The following CTNNAL1 variants were observed in gnomAD, a reference collection of about 807,000 sequenced individuals.
The protein encoded by CTNNAL1 is alpha-catulin.
CTNNAL1 carries 69 observed loss-of-function variants against 93.6 expected under a neutral mutation model. The observed-to-expected ratio is 0.74, with a 90% confidence interval of 0.61 to 0.90. CTNNAL1 has a LOEUF of 0.90. CTNNAL1 is among the 40% of genes least tolerant of loss of function. CTNNAL1 has a pLI of 0.00. For missense variants in CTNNAL1, 836 were observed against 862.0 expected (o/e 0.97, Z 0.38); for synonymous variants, 286 against 305.4 (o/e 0.94, Z 0.66).
chr9:108,959,713 A>G (rs775082433), intron 11 of CTNNAL1, among the ~76,000 whole-genome samples: 2 of 152,254 alleles, frequency 1.3e-5, no homozygotes, highest in African/African-American at 4.8e-5. Flanking sequence ...TGGAGAAAAT[A>G]TACTTAGTAC....
intron 8 of CTNNAL1, 35 bp from the exon 9 acceptor site, chr9:108,972,868 G>GCCCCCCCGGGC: frequency 1.8e-6 from 2 of 1,092,790 alleles, no homozygotes; most frequent in Non-Finnish European, 2.5e-6. Context: ...GGGTGGGAGG[G>GCCCCCCCGGGC]TGGAGAAGGA....
At chr9:109,011,835 G>T (rs1398229161) in intron 1 of CTNNAL1, among the ~76,000 whole-genome samples, 2 of 152,216 alleles carry the variant, frequency 1.3e-5, no homozygotes, top group African/African-American at 4.8e-5. Flanking sequence ...TATTTACAAA[G>T]TGCTTAGAAC....
At chr9:109,009,085 G>A (rs1284801798) in intron 1 of CTNNAL1, among the ~76,000 whole-genome samples, 2 of 151,216 alleles carry the variant, frequency 1.3e-5, no homozygotes, top group Non-Finnish European at 3.0e-5. Context: ...TTGTAGAGAC[G>A]GGGTTTCACC....
rs751057263 is a variant in CTNNAL1, at chr9:108,979,441, G to C, written c.941C>G (p.Ser314Cys). 1.3e-5 allele frequency: 21 copies of C among 1,614,052 alleles called. No individual in the cohort carries two copies. Among genetic ancestry groups the C allele is most frequent in the Admixed American group, 1.0e-4 (6 of 60,008 alleles). ...EALRENLYFQ[S>C]KENLSVTLEV... ...CAATGTCACAGAAAGGTTCTCTTTGGACTGAAAATAAAGATTCTCCCGAAG... is the reference window on the plus strand; with the variant it reads ...CAATGTCACAGAAAGGTTCTCTTTGCACTGAAAATAAAGATTCTCCCGAAG... The change falls in exon 7 of 19, where the codon TCC (serine) becomes TGC (cysteine). Residue 314 changes from serine to cysteine, a missense_variant. Coordinates refer to ENST00000325551, the MANE Select transcript of CTNNAL1 (RefSeq NM_003798.4).
rs1417213747 is a variant in CTNNAL1 at position 109,013,291 on chromosome 9, C to A, written c.141+11G>T. Reference sequence around the variant, plus strand: ...GAAGGAGAAGAGGGGCCGCGCCAGGCGCCACTTTACCTGAGAAACCAGCGG... The same window carrying A: ...GAAGGAGAAGAGGGGCCGCGCCAGGAGCCACTTTACCTGAGAAACCAGCGG... On this transcript the variant is annotated intron_variant, in intron 1 of 18. Transcript: ENST00000325551. The A allele has an allele frequency of 2.0e-6, 3 of 1,485,200 alleles. No individual in the cohort carries two copies. Among genetic ancestry groups the A allele is most frequent in the Non-Finnish European group, 1.8e-6 (2 of 1,117,242 alleles). 92.0% of individuals were successfully genotyped at this position (1,485,200 alleles called of 1,614,324 possible).
chr9:109,004,708 C>A (rs1464479397), intron 1 of CTNNAL1, among the ~76,000 whole-genome samples: 1 of 151,912 alleles, frequency 6.6e-6, no homozygotes, highest in Non-Finnish European at 1.5e-5. Context: ...ATTGCTTGAA[C>A]CTGGGAGGCA....
intron 10 of CTNNAL1, among the ~76,000 whole-genome samples, chr9:108,966,950 A>C (rs1168797729): frequency 6.6e-6 from 1 of 152,202 alleles, no homozygotes; most frequent in African/African-American, 2.4e-5. Flanking sequence ...GGCCCATTAC[A>C]TAAAACACAC....
rs765638755 is a variant in CTNNAL1, at chr9:108,942,778, A to G, written c.2196T>C (p.Ser732=). 1 of 1,608,960 alleles carries G rather than the reference A, an allele frequency of 6.2e-7. No homozygotes were observed. The highest frequency in any genetic ancestry group is 1.1e-5 in the South Asian group (1 of 90,694). Reference sequence around the variant, plus strand: ...TGACCCCAAAAGCTTCTCAAGTTTTACTATCCATAGTGTCCTTATTTGTAA... The same window carrying G: ...TGACCCCAAAAGCTTCTCAAGTTTTGCTATCCATAGTGTCCTTATTTGTAA... ...VSVTNKDTMD[S]KT The change falls in exon 19 of 19, where the codon AGT becomes AGC. Residue 732 remains serine (S), a synonymous_variant. Transcript: ENST00000325551.
chr9:108,942,967 C>T lies in CTNNAL1; in HGVS notation c.2133G>A (p.Leu711=), dbSNP rs1830287210. ...VQLLSLCYKL[L]KKLQMENNGW... is the part of the protein sequence containing the mutation. ...AATAGAAAAACTACCTCACCTTCTTCAGCAGTTTATAACAAAGTGAAAGAA... is the reference window on the plus strand; with the variant it reads ...AATAGAAAAACTACCTCACCTTCTTTAGCAGTTTATAACAAAGTGAAAGAA... Residue 711 remains leucine, a synonymous_variant, in exon 18 of 19, where the codon CTG becomes CTA. Coordinates refer to ENST00000325551, the MANE Select transcript of CTNNAL1 (RefSeq NM_003798.4). 2 of 1,612,376 alleles carry T rather than the reference C, an allele frequency of 1.2e-6. No homozygotes were observed. Among genetic ancestry groups the T allele is most frequent in the African/African-American group, 2.7e-5 (2 of 74,934 alleles).
At chr9:108,989,827 A>G (rs1259923172) in intron 4 of CTNNAL1, among the ~76,000 whole-genome samples, 2 of 152,158 alleles carry the variant, frequency 1.3e-5, no homozygotes, top group Non-Finnish European at 2.9e-5. Flanking sequence ...AGGCGGGCGG[A>G]TCACCTGAGA....
chr9:108,976,233 T>C (rs1046335479), intron 8 of CTNNAL1, among the ~76,000 whole-genome samples: 1 of 152,216 alleles, frequency 6.6e-6, no homozygotes, highest in African/African-American at 2.4e-5. Flanking sequence ...TTTTCTAGAA[T>C]TGTTTTTTTC....
At chr9:108,964,129 A>G (rs1830890099) in intron 11 of CTNNAL1, among the ~76,000 whole-genome samples, 1 of 152,240 alleles carries the variant, frequency 6.6e-6, no homozygotes, top group Admixed American at 6.5e-5. Flanking sequence ...CTCATATGAA[A>G]ATCTATGTAA....
chr9:109,004,758 C>G lies in CTNNAL1; in HGVS notation c.142-5502G>C, dbSNP rs138860538. ...CTGAAATCATGGCATTGCACTCCAG[C>G]CCGGGTGACAGAGCGAGACTCTGTC... On this transcript the variant is annotated intron_variant, in intron 1 of 18. Transcript: ENST00000325551. Among the ~76,000 whole-genome samples, 720 of 151,670 alleles carry G rather than the reference C, an allele frequency of 4.7e-3. 6 individuals are homozygous for G. The highest frequency in any genetic ancestry group is 0.017 in the African/African-American group (704 of 41,276).
chr9:109,004,471 G>A (rs1048217647), intron 1 of CTNNAL1, among the ~76,000 whole-genome samples: 1 of 152,102 alleles, frequency 6.6e-6, no homozygotes, highest in Non-Finnish European at 1.5e-5. Context: ...TAGCCATATT[G>A]CCTTCTCTGA....
chr9:108,958,154 A>G (rs1398032027), intron 11 of CTNNAL1, among the ~76,000 whole-genome samples: 1 of 152,040 alleles, frequency 6.6e-6, no homozygotes, highest in Non-Finnish European at 1.5e-5. Context: ...AAAGGGCACT[A>G]TCATTACTTA....
intron 12 of CTNNAL1, among the ~76,000 whole-genome samples, chr9:108,955,365 C>T (rs1830666034): frequency 6.6e-6 from 1 of 152,124 alleles, no homozygotes. Flanking sequence ...TATCTCTTTC[C>T]CATAAGTATG....
At chr9:108,974,057 C>T (rs559896487) in intron 8 of CTNNAL1, among the ~76,000 whole-genome samples, 16 of 152,344 alleles carry the variant, frequency 1.1e-4, no homozygotes, top group African/African-American at 3.6e-4. Context: ...TCCACAGAGA[C>T]TGTGTCTTGC....
intron 2 of CTNNAL1, among the ~76,000 whole-genome samples, chr9:108,993,233 A>G (rs1031080948): frequency 6.6e-6 from 1 of 152,230 alleles, no homozygotes; most frequent in Admixed American, 6.5e-5. Flanking sequence ...GTCAGGGGTC[A>G]CTGCCAATCT....
rs993194623 is a variant in CTNNAL1 at position 108,952,260 on chromosome 9, T to A, written c.1784A>T (p.Gln595Leu). The change falls in exon 14 of 19, where the codon CAA becomes CTA. Residue 595 changes from glutamine to leucine, a missense_variant. Coordinates refer to ENST00000325551, the MANE Select transcript of CTNNAL1 (RefSeq NM_003798.4). Reference protein sequence around the residue: ...KWEDQENEIVQYGRNMSSMAY... With the variant: ...KWEDQENEIVLYGRNMSSMAY... ...CATACTGGACATGTTCCGTCCATATTGAACAATCTCATTCTCCTGATCTTC... is the reference window on the plus strand; with the variant it reads ...CATACTGGACATGTTCCGTCCATATAGAACAATCTCATTCTCCTGATCTTC... 6.2e-7 allele frequency: 1 copy of A among 1,614,208 alleles called. No individual in the cohort carries two copies. Among genetic ancestry groups the A allele is most frequent in the Admixed American group, 1.7e-5 (1 of 60,030 alleles).
Sources: gnomAD v4.1 joint callset for allele counts (sites outside exome capture counted in the v4.1 genomes callset) on GRCh38, gnomAD v4.1.1 for gene constraint, MANE v1.5 for transcripts, NCBI Gene and HGNC (gene_info 2026-07-23, HGNC 2026-07-21) for gene names.